The following INPP4B variants were observed in gnomAD, a reference collection of about 807,000 sequenced individuals.
The protein encoded by INPP4B is inositol polyphosphate-4-phosphatase type II B.
Under a neutral mutation model 122.5 loss-of-function variants are expected in INPP4B, and 55 were observed. That is an observed-to-expected ratio of 0.45 (90% CI 0.36 to 0.56). The LOEUF (loss-of-function observed/expected upper bound fraction) is 0.56, where lower values mean the gene tolerates loss of function less well. Among genes scored for constraint, INPP4B ranks in the 20% least tolerant of loss-of-function variants. The pLI is 0.00. For synonymous variants in INPP4B, 403 were observed against 388.7 expected (o/e 1.04, Z -0.43); for missense variants, 1,000 against 1,097.7 (o/e 0.91, Z 1.26).
chr4:142,647,797 A>G (rs957242271), intron 2 of INPP4B, among the ~76,000 whole-genome samples: 2 of 152,254 alleles, frequency 1.3e-5, no homozygotes, highest in African/African-American at 4.8e-5. Context: ...ATGCTGATTA[A>G]TGTAAGAATC....
At chr4:142,659,260 G>A (rs1754720795) in intron 2 of INPP4B, among the ~76,000 whole-genome samples, 1 of 150,352 alleles carries the variant, frequency 6.7e-6, no homozygotes, top group African/African-American at 2.4e-5. Flanking sequence ...AAAAAAATTA[G>A]CCAGGCGTGG....
chr4:142,360,051 TAA>T (rs1367008207), intron 7 of INPP4B, among the ~76,000 whole-genome samples: 1 of 151,992 alleles, frequency 6.6e-6, no homozygotes, highest in African/African-American at 2.4e-5. Flanking sequence ...ATTTCATATA[TAA>T]GAGGGCCTTT....
At chr4:142,116,764 G>A (rs979200011) in intron 21 of INPP4B, among the ~76,000 whole-genome samples, 1 of 152,000 alleles carries the variant, frequency 6.6e-6, no homozygotes, top group African/African-American at 2.4e-5. Context: ...TGAGAAGCAA[G>A]AGCAAACACA....
chr4:142,594,787 C>T (rs1426360541), intron 2 of INPP4B, among the ~76,000 whole-genome samples: 2 of 151,902 alleles, frequency 1.3e-5, no homozygotes, highest in African/African-American at 4.8e-5. Flanking sequence ...AACCCCATCT[C>T]TACCAAAAAT....
At chr4:142,560,707 G>A (rs1715965049) in intron 2 of INPP4B, 1 of 152,210 alleles carries the variant, frequency 6.6e-6, no homozygotes, top group Non-Finnish European at 1.5e-5. Flanking sequence ...GACTCAGCAA[G>A]TCTGCTCTTT....
At chr4:142,585,357 CT>C (rs1452901343) in intron 2 of INPP4B, among the ~76,000 whole-genome samples, 1 of 152,088 alleles carries the variant, frequency 6.6e-6, no homozygotes, top group African/African-American at 2.4e-5. Context: ...TTATGGAGTG[CT>C]TTTATGATTT....
chr4:142,207,201 T>C (rs937490370), intron 14 of INPP4B, among the ~76,000 whole-genome samples: 11 of 152,182 alleles, frequency 7.2e-5, no homozygotes, highest in Admixed American at 3.3e-4. Context: ...CACCCATTGA[T>C]GGACATTTCT....
chr4:142,185,762 C>T (rs972146977), intron 15 of INPP4B, among the ~76,000 whole-genome samples: 4 of 151,334 alleles, frequency 2.6e-5, no homozygotes, highest in Admixed American at 2.0e-4. Context: ...GCCTGTAGTC[C>T]CAGCTACTCG....
At chr4:142,807,595 G>A (rs947061846) in intron 1 of INPP4B, among the ~76,000 whole-genome samples, 6 of 152,156 alleles carry the variant, frequency 3.9e-5, no homozygotes, top group African/African-American at 1.2e-4. Flanking sequence ...GGTTAGCAAT[G>A]TGGAATACAC....
At chr4:142,467,100 C>A (rs528800329) in intron 2 of INPP4B, among the ~76,000 whole-genome samples, 2 of 152,188 alleles carry the variant, frequency 1.3e-5, no homozygotes, top group African/African-American at 2.4e-5. Context: ...TAGGGCAATG[C>A]GGAGGGGAAA....
At chr4:142,297,739 T>C (rs576406310) in intron 9 of INPP4B, among the ~76,000 whole-genome samples, 1 of 152,300 alleles carries the variant, frequency 6.6e-6, no homozygotes, top group East Asian at 1.9e-4. Context: ...GCAATGCAAA[T>C]GCAGCCTAAC....
chr4:142,401,568 G>A (rs1329535393), intron 7 of INPP4B, among the ~76,000 whole-genome samples: 1 of 152,092 alleles, frequency 6.6e-6, no homozygotes, highest in Non-Finnish European at 1.5e-5. Context: ...CTATTTATAA[G>A]AAAGCATGAG....
chr4:142,160,953 A>G (rs1366432931), intron 16 of INPP4B, among the ~76,000 whole-genome samples: 7 of 151,986 alleles, frequency 4.6e-5, no homozygotes, highest in African/African-American at 1.7e-4. Flanking sequence ...TAATCAGTCT[A>G]TGTGTATTTT....
intron 1 of INPP4B, among the ~76,000 whole-genome samples, chr4:142,764,799 G>A (rs1446796868): frequency 6.6e-6 from 1 of 151,892 alleles, no homozygotes; most frequent in East Asian, 1.9e-4. Flanking sequence ...TGTGTATCTG[G>A]AGATCCTCAG....
intron 2 of INPP4B, among the ~76,000 whole-genome samples, chr4:142,587,645 G>T (rs559833886): frequency 6.6e-6 from 1 of 152,152 alleles, no homozygotes; most frequent in East Asian, 1.9e-4. Context: ...TAAATTGGAT[G>T]TCCATCACCT....
intron 1 of INPP4B, among the ~76,000 whole-genome samples, chr4:142,824,803 T>TA (rs34045920): frequency 1.3e-3 from 193 of 149,184 alleles, no homozygotes; most frequent in Middle Eastern, 3.4e-3. Flanking sequence ...CCTTTTTTGT[T>TA]AAAAAAAAAA....
chr4:142,403,462 C>T (rs1802316375), intron 6 of INPP4B, among the ~76,000 whole-genome samples: 2 of 152,090 alleles, frequency 1.3e-5, no homozygotes, highest in Admixed American at 6.6e-5. Flanking sequence ...CTTATGCTTC[C>T]ATTTATTTCC....
At chr4:142,157,576 C>T (rs1213658030) in intron 17 of INPP4B, among the ~76,000 whole-genome samples, 1 of 152,008 alleles carries the variant, frequency 6.6e-6, no homozygotes. Context: ...GCAATGCAGC[C>T]CTTCATTATT....
chr4:142,445,571 A>T (rs561746222), intron 3 of INPP4B, among the ~76,000 whole-genome samples: 1 of 152,334 alleles, frequency 6.6e-6, no homozygotes, highest in African/African-American at 2.4e-5. Flanking sequence ...GCAAAAACTG[A>T]CAGAAGTGAA....
Sources: allele counts gnomAD v4.1 joint callset (sites outside exome capture counted in the v4.1 genomes callset), GRCh38; gene constraint gnomAD v4.1.1; transcripts MANE v1.5; gene names NCBI Gene and HGNC (gene_info 2026-07-23, HGNC 2026-07-21).